The following CTDSP1 variants were observed in gnomAD, a reference collection of about 807,000 sequenced individuals.
CTDSP1 encodes CTD small phosphatase 1.
CTDSP1 carries 15 observed loss-of-function variants against 32.5 expected under a neutral mutation model. The observed-to-expected ratio is 0.46, with a 90% CI of 0.31 to 0.71. The LOEUF (loss-of-function observed/expected upper bound fraction) is 0.71. CTDSP1 is among the 30% of genes least tolerant of loss of function. CTDSP1 has a pLI of 0.05. For missense variants in CTDSP1, 294 were observed against 351.1 expected (o/e 0.84, Z 1.30); for synonymous variants, 185 against 145.4 (o/e 1.27, Z -1.96).
At chr2:218,402,504 T>C (rs887613483) in intron 4 of CTDSP1, 99 bp downstream of exon 4, 23 of 1,231,848 alleles carry the variant, frequency 1.9e-5, no homozygotes, top group Non-Finnish European at 2.6e-5. Flanking sequence ...ATTGGATACA[T>C]GTGGAATGTC....
At chr2:218,403,187 C>T in intron 5 of CTDSP1, 45 bp from the exon 6 acceptor site, 1 of 1,612,442 alleles carries the variant, frequency 6.2e-7, no homozygotes, top group Non-Finnish European at 8.5e-7. Flanking sequence ...CGCATGCAGC[C>T]CAATGAACCT....
In CTDSP1 at chr2:218,401,374, C is replaced by T. The variant is rs1219542972; in HGVS notation, c.68-190C>T. ...GCTAGACCTATTTGTCTGGGAGCTG[C>T]AGGAGCCTTGCAGTTGATTGTGGAG... On this transcript the variant is annotated intron_variant, in intron 1 of 6. Coordinates refer to ENST00000273062, the MANE Select transcript of CTDSP1 (RefSeq NM_021198.3). The T allele has an allele frequency of 1.1e-5, 7 of 623,242 alleles. No individual in the cohort carries two copies. In the Middle Eastern group the frequency reaches 1.2e-3, roughly 106 times the overall value. 38.6% of individuals were successfully genotyped at this position (623,242 alleles called of 1,614,324 possible).
chr2:218,399,723 G>GA (rs991139345), upstream of CTDSP1: 225 of 999,372 alleles, frequency 2.3e-4, no homozygotes, highest in Non-Finnish European at 2.6e-4. Flanking sequence ...CCTGGAGCGC[G>GA]GCAGGAACCC....
At position 218,405,006 on chromosome 2, in the gene CTDSP1, G is replaced by T. The variant is rs3770211; in HGVS notation, c.*581G>T. On this transcript the variant is annotated 3_prime_UTR_variant, in exon 7 of 7. Coordinates refer to ENST00000273062, the MANE Select transcript of CTDSP1 (RefSeq NM_021198.3). ...GTTACCACTGGGGAAGGCAGCAGGA[G>T]TCTGTCCTTCAGGCCCCACAGTGCA... The T allele has an allele frequency of 0.31, 47,806 of 153,232 alleles. 7,926 individuals are homozygous for T. The highest frequency in any genetic ancestry group is 0.37 in the South Asian group (1,814 of 4,928). The allele number at this position is 153,232 out of a possible 1,614,324, so 9.5% of individuals were successfully genotyped here. A position where few individuals can be genotyped will look rare whatever the true frequency, so the allele number is the denominator to read the frequency against.
At chr2:218,403,944 C>T (rs985491465) in intron 6 of CTDSP1, among the ~76,000 whole-genome samples, 9 of 152,044 alleles carry the variant, frequency 5.9e-5, no homozygotes, top group Non-Finnish European at 1.2e-4. Context: ...CCTGGAGTCC[C>T]GGCTATGCAG....
At position 218,403,402 on chromosome 2, in the gene CTDSP1, C is replaced by A; in HGVS notation, c.642C>A (p.Phe214Leu). 1 of 1,603,412 alleles carries A rather than the reference C, an allele frequency of 6.2e-7. No homozygotes were observed. ...ACAATTCACCTGCCTCCTATGTCTT[C>A]CATCCAGACAATGCTGTGAGTGCGG... ...ILDNSPASYV[F>L]HPDNAVPVAS... is the part of the protein sequence containing the mutation. The change falls in exon 6 of 7, where the codon TTC becomes TTA. Residue 214 changes from phenylalanine to leucine, a missense_variant. Phe to Leu is a conservative substitution (Grantham distance 22). This residue lies in a region of CTDSP1 where 146 missense variants were observed against 237.7 expected (regional missense o/e 0.61). Transcript: ENST00000273062.
chr2:218,402,251 G>A (rs370091958), intron 3 of CTDSP1, 36 bp downstream of exon 3: 275 of 1,610,488 alleles, frequency 1.7e-4, no homozygotes, highest in Non-Finnish European at 2.0e-4. Context: ...CCCGGGTCTC[G>A]GGGGGCATCC....
rs1697359650 is a variant in CTDSP1, at chr2:218,405,340, C to G, written c.*915C>G. On this transcript the variant is annotated 3_prime_UTR_variant, in exon 7 of 7. Coordinates refer to ENST00000273062, the MANE Select transcript of CTDSP1 (RefSeq NM_021198.3). ...TATTTTCTGAATGGAACAAGCTGGG[C>G]CAAGGGGCCCAGGCCCTGTCCTCTG... The G allele has an allele frequency of 6.6e-6, 1 of 152,526 alleles. No individual in the cohort carries two copies. Among genetic ancestry groups the G allele is most frequent in the African/African-American group, 2.4e-5 (1 of 41,448 alleles). The allele number at this position is 152,526 out of a possible 1,614,324, so 9.4% of individuals were successfully genotyped here. A position where few individuals can be genotyped will look rare whatever the true frequency, so the allele number is the denominator to read the frequency against.
At chr2:218,398,539 C>T (rs570857938), upstream of CTDSP1, 68 of 1,266,948 alleles carry the variant, frequency 5.4e-5, no homozygotes, top group Admixed American at 1.8e-3. Flanking sequence ...ACGAAGCCGC[C>T]GCGCCTTCTG....
At chr2:218,399,858 T>G (rs889088699), upstream of CTDSP1, 24 of 1,232,910 alleles carry the variant, frequency 1.9e-5, no homozygotes, top group African/African-American at 6.3e-5. Flanking sequence ...GGCGCCTGGG[T>G]TCCATGTTTG....
At chr2:218,399,114 G>A (rs900103350), upstream of CTDSP1, 3 of 152,392 alleles carry the variant, frequency 2.0e-5, no homozygotes, top group African/African-American at 7.2e-5. Context: ...CCTGGAGAAG[G>A]TGGCATTTCC....
At chr2:218,402,522 CAG>C (rs1697202809) in intron 4 of CTDSP1, 117 bp downstream of exon 4, 2 of 1,080,540 alleles carry the variant, frequency 1.9e-6, no homozygotes, top group African/African-American at 3.1e-5. Flanking sequence ...GTCAGAGGCC[CAG>C]AGAGGGTGTG....
rs547688629 is a variant in CTDSP1, at chr2:218,402,228, C to T, written c.321+13C>T. 5.7e-5 allele frequency: 92 copies of T among 1,612,634 alleles called. No homozygotes were observed. The South Asian group carries it at 9.4e-4, about 17-fold the overall frequency. On this transcript the variant is annotated intron_variant, in intron 3 of 6. Transcript: ENST00000273062. Reference sequence around the variant, plus strand: ...CAGCTCCTTCAAGGTGGGCCCTGCTCAACAGCCCTCAGCCCGGGTCTCGGG... The same window carrying T: ...CAGCTCCTTCAAGGTGGGCCCTGCTTAACAGCCCTCAGCCCGGGTCTCGGG...
chr2:218,396,835 C>T (rs922298463), upstream of CTDSP1: 5 of 152,704 alleles, frequency 3.3e-5, no homozygotes, highest in African/African-American at 1.2e-4. Context: ...CTGCCAGGCT[C>T]TGTGTTACAA....
chr2:218,399,836 G>T, upstream of CTDSP1: 1 of 1,210,170 alleles, frequency 8.3e-7, no homozygotes, highest in Non-Finnish European at 1.0e-6. Flanking sequence ...TTTTAAGGGG[G>T]AGCCTTGAAA....
intron 6 of CTDSP1, 46 bp downstream of exon 6, chr2:218,403,463 G>A (rs1395435524): frequency 2.6e-6 from 4 of 1,516,154 alleles, no homozygotes; most frequent in East Asian, 2.3e-5. Flanking sequence ...TGAGACCCAG[G>A]AAGGGGTCAG....
Position 218,403,039 on chromosome 2 carries a change from A to G in CTDSP1, c.383A>G (p.Tyr128Cys), listed in dbSNP as rs1330030953. The change falls in exon 5 of 7, where the codon TAC (tyrosine) becomes TGC (cysteine). Residue 128 changes from tyrosine (Y) to cysteine (C), a missense_variant. Tyr to Cys is a radical substitution (Grantham distance 194, BLOSUM62 -2). Around this residue, in one of 2 missense-constraint regions of CTDSP1, gnomAD observed 146 missense variants for 237.7 expected, o/e 0.61. Coordinates refer to ENST00000273062, the MANE Select transcript of CTDSP1 (RefSeq NM_021198.3). ...CCTCACTGGCCCGCCCCCCAGGTCT[A>G]CGTGTTGAAGCGTCCTCACGTGGAT... ...VEIDGVVHQV[Y>C]VLKRPHVDEF... is the part of the protein sequence containing the mutation. The G allele has an allele frequency of 3.7e-6, 6 of 1,613,322 alleles. No individual in the cohort carries two copies. Among genetic ancestry groups the G allele is most frequent in the East Asian group, 2.2e-5 (1 of 44,844 alleles).
chr2:218,399,957 C>A lies in CTDSP1; in HGVS notation c.-134C>A. 1 of 1,170,998 alleles carries A rather than the reference C, an allele frequency of 8.5e-7. No homozygotes were observed. Among genetic ancestry groups the A allele is most frequent in the Non-Finnish European group, 1.1e-6 (1 of 936,672 alleles). 72.5% of individuals were successfully genotyped at this position (1,170,998 alleles called of 1,614,324 possible). A position where few individuals can be genotyped will look rare whatever the true frequency, so the allele number is the denominator to read the frequency against. ...CCCTCCCCCCTAGAACCTGGCTCCC[C>A]TCCCCTCCGGAGCTCGCGGGGATCC... On this transcript the variant is annotated 5_prime_UTR_variant, in exon 1 of 7. Transcript: ENST00000273062.
In CTDSP1 at chr2:218,404,534, A is replaced by G. The variant is rs562166979; in HGVS notation, c.*109A>G. 185 of 1,411,486 alleles carry G rather than the reference A, an allele frequency of 1.3e-4. No individual in the cohort carries two copies. The African/African-American group carries it at 1.9e-3, about 15-fold the overall frequency. 87.4% of individuals were successfully genotyped at this position (1,411,486 alleles called of 1,614,324 possible). A position where few individuals can be genotyped will look rare whatever the true frequency, so the allele number is the denominator to read the frequency against. Reference sequence around the variant, plus strand: ...AAACCCATGGGCCGCCGCCACACTCAGTGCCATGGGGAAGCGGGCGTCTCC... The same window carrying G: ...AAACCCATGGGCCGCCGCCACACTCGGTGCCATGGGGAAGCGGGCGTCTCC... On this transcript the variant is annotated 3_prime_UTR_variant, in exon 7 of 7. Coordinates refer to ENST00000273062, the MANE Select transcript of CTDSP1 (RefSeq NM_021198.3).
Sources: gnomAD v4.1 joint callset for allele counts (sites outside exome capture counted in the v4.1 genomes callset) on GRCh38, gnomAD v4.1.1 for gene constraint, gnomAD v4.1.1 regional missense constraint, MANE v1.5 for transcripts, NCBI Gene and HGNC (gene_info 2026-07-23, HGNC 2026-07-21) for gene names.